Variants in MRPS27 observed in about 807,000 individuals in gnomAD.
The protein encoded by MRPS27 is mitochondrial ribosomal protein S27.
MRPS27 carries 43 observed loss-of-function variants against 48.9 expected under a neutral mutation model. The ratio of observed to expected loss-of-function variants is 0.88; its 90% CI spans 0.69 to 1.13. MRPS27 has a LOEUF of 1.13. Ranked by LOEUF, MRPS27 falls within the 50% of genes most tolerant of loss-of-function variation. The probability of loss-of-function intolerance (pLI) is 0.00; values close to 1 mark genes in which losing one functional copy is unlikely to be tolerated. For synonymous variants in MRPS27, 188 were observed against 171.9 expected, an observed-to-expected ratio of 1.09 and a Z score of -0.73; for missense variants, 467 against 476.3, an observed-to-expected ratio of 0.98 and a Z score of 0.18.
chr5:72,223,648 C>A (rs74783714), intron 10 of MRPS27, 35 bp downstream of exon 10: 24 of 1,608,400 alleles, frequency 1.5e-5, no homozygotes, highest in African/African-American at 4.0e-5. Context: ...GTGTTTTATG[C>A]GCTGCTAAGA....
intron 4 of MRPS27, among the ~76,000 whole-genome samples, chr5:72,254,058 C>A (rs904836804): frequency 2.6e-5 from 4 of 152,224 alleles, no homozygotes; most frequent in African/African-American, 9.6e-5. Context: ...GGACTACAGG[C>A]AGGTGACCCT....
intron 4 of MRPS27, among the ~76,000 whole-genome samples, chr5:72,273,008 A>G (rs116548221): frequency 5.5e-4 from 84 of 152,314 alleles, no homozygotes; most frequent in Non-Finnish European, 9.7e-4. Context: ...AAAACTGTGT[A>G]TCTTGTGATA....
chr5:72,297,782 G>C, intron 2 of MRPS27, 80 bp from the exon 3 acceptor site: 1 of 758,626 alleles, frequency 1.3e-6, no homozygotes, highest in Non-Finnish European at 2.0e-6. Context: ...CTGCCAACAT[G>C]AAGTATTAAA....
chr5:72,241,734 A>G (rs1748356338), intron 4 of MRPS27: 1 of 1,521,924 alleles, frequency 6.6e-7, no homozygotes, highest in Non-Finnish European at 8.8e-7. Context: ...TAACACATTG[A>G]TTTTCCAATT....
chr5:72,248,589 T>G, intron 4 of MRPS27, among the ~76,000 whole-genome samples: 1 of 147,056 alleles, frequency 6.8e-6, no homozygotes, highest in Non-Finnish European at 1.5e-5. Context: ...TTCCTAAGTA[T>G]GAGTCATAGG....
chr5:72,278,348 C>T (rs186454705), intron 4 of MRPS27, among the ~76,000 whole-genome samples: 3 of 149,168 alleles, frequency 2.0e-5, no homozygotes, highest in Non-Finnish European at 4.4e-5. Context: ...GAGGCTGAGG[C>T]AGGAGAATGG....
intron 4 of MRPS27, among the ~76,000 whole-genome samples, chr5:72,251,012 A>T (rs1220738244): frequency 6.6e-6 from 1 of 152,226 alleles, no homozygotes; most frequent in Admixed American, 6.5e-5. Context: ...AAAGAGATAA[A>T]ACATGTAAAA....
intron 4 of MRPS27, among the ~76,000 whole-genome samples, chr5:72,287,203 C>T (rs575338529): frequency 3.3e-5 from 5 of 152,116 alleles, no homozygotes; most frequent in African/African-American, 1.2e-4. Flanking sequence ...CCAAACCATC[C>T]CCAACACCAA....
chr5:72,311,440 A>C (rs1161879474), intron 2 of MRPS27, among the ~76,000 whole-genome samples: 1 of 152,246 alleles, frequency 6.6e-6, no homozygotes. Flanking sequence ...ACTCATGTTG[A>C]AATTTAATCC....
intron 4 of MRPS27, among the ~76,000 whole-genome samples, chr5:72,294,195 A>T (rs532242139): frequency 8.7e-4 from 131 of 151,070 alleles, no homozygotes; most frequent in African/African-American, 2.7e-3. Context: ...TTCAGAAATT[A>T]AAAAAAAAGC....
intron 2 of MRPS27, among the ~76,000 whole-genome samples, chr5:72,307,200 A>G (rs1433441192): frequency 6.6e-6 from 1 of 152,106 alleles, no homozygotes; most frequent in Non-Finnish European, 1.5e-5. Flanking sequence ...AAAAATACAA[A>G]AATTAGCCGG....
chr5:72,271,577 ATG>A (rs1749242828), intron 4 of MRPS27, among the ~76,000 whole-genome samples: 1 of 152,218 alleles, frequency 6.6e-6, no homozygotes, highest in Non-Finnish European at 1.5e-5. Context: ...GGTAAATATA[ATG>A]TGTGATCCTG....
intron 4 of MRPS27, among the ~76,000 whole-genome samples, chr5:72,275,762 T>G (rs1580090136): frequency 1.3e-5 from 2 of 152,290 alleles, no homozygotes; most frequent in East Asian, 3.9e-4. Flanking sequence ...CCTGTACCCT[T>G]TCCCCACTGG....
chr5:72,237,079 C>T (rs773860680), intron 5 of MRPS27, among the ~76,000 whole-genome samples: 4 of 152,118 alleles, frequency 2.6e-5, no homozygotes, highest in Middle Eastern at 6.8e-3. Context: ...AACTCCTGGG[C>T]TCATGTGATT....
intron 4 of MRPS27, among the ~76,000 whole-genome samples, chr5:72,276,499 G>A (rs999754349): frequency 6.6e-6 from 1 of 152,050 alleles, no homozygotes; most frequent in Non-Finnish European, 1.5e-5. Flanking sequence ...CAGGACATAG[G>A]CACAGGCAAA....
chr5:72,234,781 T>C (rs925950316), intron 5 of MRPS27, among the ~76,000 whole-genome samples: 1 of 152,108 alleles, frequency 6.6e-6, no homozygotes. Context: ...TTTAACAATA[T>C]AGATTCCTAC....
chr5:72,241,482 T>C (rs528147266), intron 4 of MRPS27: 36 of 619,626 alleles, frequency 5.8e-5, no homozygotes, highest in African/African-American at 4.6e-4. Flanking sequence ...ATCTGGAATA[T>C]AAACAAGTCA....
intron 9 of MRPS27, 65 bp from the exon 10 acceptor site, chr5:72,223,915 G>C (rs1299449959): frequency 6.7e-7 from 1 of 1,501,418 alleles, no homozygotes; most frequent in Admixed American, 2.0e-5. Context: ...GGTGAAGAAA[G>C]GCTAGAGAAG....
Position 72,220,097 on chromosome 5 carries a change from G to A in MRPS27, c.*812C>T, listed in dbSNP as rs1187875767. The A allele has an allele frequency of 6.5e-6, 1 of 152,830 alleles. No individual in the cohort carries two copies. The highest frequency in any genetic ancestry group is 1.5e-5 in the Non-Finnish European group (1 of 68,160). 9.5% of individuals were successfully genotyped at this position (152,830 alleles called of 1,614,324 possible). A position where few individuals can be genotyped will look rare whatever the true frequency, so the allele number is the denominator to read the frequency against. ...GTGGCAGAAAGGAGAATGTGGGAAT[G>A]TGTGAGTATCCCACAGCCAGCTCAC... On this transcript the variant is annotated 3_prime_UTR_variant, in exon 11 of 11. Transcript: ENST00000261413.
Sources: allele counts gnomAD v4.1 joint callset (sites outside exome capture counted in the v4.1 genomes callset), GRCh38; gene constraint gnomAD v4.1.1; transcripts MANE v1.5; gene names NCBI Gene and HGNC (gene_info 2026-07-23, HGNC 2026-07-21).